TRPM7: variants seen among roughly 807,000 people sequenced by gnomAD.
TRPM7 encodes LTRPC ion channel family member 7.
In TRPM7, 134 loss-of-function variants were observed where a neutral mutation model predicts 229.7. The observed-to-expected ratio is 0.58, with a 90% confidence interval of 0.51 to 0.67. TRPM7 has a LOEUF of 0.67. Among genes scored for constraint, TRPM7 ranks in the 30% least tolerant of loss-of-function variants. TRPM7 has a pLI of 0.00. For missense variants in TRPM7, 1,901 were observed against 2,210.0 expected, an observed-to-expected ratio of 0.86 and a Z score of 2.80; for synonymous variants, 699 against 715.2, an observed-to-expected ratio of 0.98 and a Z score of 0.36.
At chr15:50,647,659 T>C (rs550419224) in intron 4 of TRPM7, among the ~76,000 whole-genome samples, 10 of 152,054 alleles carry the variant, frequency 6.6e-5, no homozygotes, top group African/African-American at 2.4e-4. Context: ...GCAGGAGAAC[T>C]GCTTGAACCC....
intron 19 of TRPM7, among the ~76,000 whole-genome samples, chr15:50,607,886 A>G (rs536302600): frequency 0.015 from 615 of 41,882 alleles, 8 homozygotes; most frequent in African/African-American, 0.043. Context: ...ATCTCTACTG[A>G]AAAAAAAAAA....
chr15:50,606,922 G>C (rs185365780), intron 20 of TRPM7, among the ~76,000 whole-genome samples: 2,120 of 152,216 alleles, frequency 0.014, 47 homozygotes, highest in African/African-American at 0.049. Context: ...TGAATGTTCA[G>C]GAAATAAAAC....
chr15:50,679,368 C>A (rs1357629333), intron 1 of TRPM7, among the ~76,000 whole-genome samples: 2 of 149,370 alleles, frequency 1.3e-5, no homozygotes, highest in East Asian at 3.9e-4. Flanking sequence ...GACGCTTGGA[C>A]GTTCACACTG....
intron 31 of TRPM7, among the ~76,000 whole-genome samples, chr15:50,577,051 G>A (rs2054167714): frequency 6.6e-6 from 1 of 151,924 alleles, no homozygotes; most frequent in Non-Finnish European, 1.5e-5. Flanking sequence ...GGTTGAGGCT[G>A]CAGTGAGCAA....
intron 1 of TRPM7, among the ~76,000 whole-genome samples, chr15:50,668,606 CAAGT>C (rs2061931967): frequency 6.6e-6 from 1 of 152,152 alleles, no homozygotes; most frequent in Non-Finnish European, 1.5e-5. Flanking sequence ...CTCCGGGGTC[CAAGT>C]AATTCTCCTG....
At chr15:50,581,563 C>A (rs57002197) in intron 29 of TRPM7, among the ~76,000 whole-genome samples, 2 of 150,958 alleles carry the variant, frequency 1.3e-5, no homozygotes, top group Non-Finnish European at 2.9e-5. Flanking sequence ...AAAATACAAA[C>A]AGAAAAATTA....
chr15:50,564,543 GTA>G (rs2053501730), intron 38 of TRPM7, among the ~76,000 whole-genome samples: 1 of 151,604 alleles, frequency 6.6e-6, no homozygotes, highest in African/African-American at 2.4e-5. Context: ...ATATATATAT[GTA>G]TGTTTTTATT....
At chr15:50,584,594 A>G (rs1344191788) in intron 28 of TRPM7, among the ~76,000 whole-genome samples, 1 of 150,700 alleles carries the variant, frequency 6.6e-6, no homozygotes, top group African/African-American at 2.4e-5. Flanking sequence ...AATGCTTGGG[A>G]TCAGAAGTGT....
At chr15:50,617,849 G>C (rs990332360) in intron 13 of TRPM7, among the ~76,000 whole-genome samples, 1 of 151,728 alleles carries the variant, frequency 6.6e-6, no homozygotes, top group South Asian at 2.1e-4. Flanking sequence ...GTAGAGAAAA[G>C]GTCTCGCTTT....
At chr15:50,594,321 A>G in intron 24 of TRPM7, 108 bp downstream of exon 24, 1 of 1,039,718 alleles carries the variant, frequency 9.6e-7, no homozygotes, top group Non-Finnish European at 1.4e-6. Context: ...AAAATCTACC[A>G]TAACATTAAT....
intron 31 of TRPM7, among the ~76,000 whole-genome samples, chr15:50,577,057 A>C (rs1156471118): frequency 6.6e-6 from 1 of 151,518 alleles, no homozygotes; most frequent in Non-Finnish European, 1.5e-5. Context: ...GGCTGCAGTG[A>C]GCAAAGTCTG....
At position 50,585,050 on chromosome 15, in the gene TRPM7, A is replaced by ATTTTT. The variant is rs755433337; in HGVS notation, c.4486+1337_4486+1341dup. Among the ~76,000 whole-genome samples the ATTTTT allele has an allele frequency of 2.7e-4, 26 of 95,048 alleles. 1 individual carries two copies. Among genetic ancestry groups the ATTTTT allele is most frequent in the South Asian group, 7.1e-4 (2 of 2,818 alleles). The allele number at this position is 95,048 out of a possible 152,430, so 62.4% of individuals were successfully genotyped here. A position where few individuals can be genotyped will look rare whatever the true frequency, so the allele number is the denominator to read the frequency against. On this transcript the variant is annotated intron_variant, in intron 28 of 38. Transcript: ENST00000646667. ...GCCACCACATCTAGCTAATTTTTGT[A>ATTTTT]TTTTTTTTTTTTTTTTTTTTTTGAG... is the stretch of plus-strand genomic sequence containing the variant.
At chr15:50,671,113 T>C (rs2061979587) in intron 1 of TRPM7, among the ~76,000 whole-genome samples, 1 of 152,196 alleles carries the variant, frequency 6.6e-6, no homozygotes, top group African/African-American at 2.4e-5. Context: ...TACATTGTTA[T>C]TTAGCGTAGT....
At chr15:50,599,089 C>G in intron 22 of TRPM7, 33 bp downstream of exon 22, 1 of 1,489,314 alleles carries the variant, frequency 6.7e-7, no homozygotes. Context: ...ACAAAATAAC[C>G]AAAAGATAAA....
At chr15:50,608,731 A>T (rs1403267782) in intron 19 of TRPM7, among the ~76,000 whole-genome samples, 1 of 152,234 alleles carries the variant, frequency 6.6e-6, no homozygotes, top group Non-Finnish European at 1.5e-5. Flanking sequence ...ATTCTTGTTG[A>T]TGAAAATGAA....
chr15:50,672,019 T>C (rs1322515226), intron 1 of TRPM7, among the ~76,000 whole-genome samples: 1 of 152,238 alleles, frequency 6.6e-6, no homozygotes, highest in Non-Finnish European at 1.5e-5. Context: ...ACGCTTTTTA[T>C]GGTTAGAGTG....
At chr15:50,564,248 AAAAATAAAATAAAAT>A (rs58216853) in intron 38 of TRPM7, among the ~76,000 whole-genome samples, 3,551 of 124,736 alleles carry the variant, frequency 0.028, 227 homozygotes, top group African/African-American at 0.1. Flanking sequence ...GACTGTCTCA[AAAAATAAAATAAAAT>A]AAAATAAAAT....
intron 2 of TRPM7, among the ~76,000 whole-genome samples, chr15:50,659,275 G>C (rs1370032450): frequency 6.6e-6 from 1 of 152,060 alleles, no homozygotes; most frequent in East Asian, 1.9e-4. Flanking sequence ...TATTTTAAAG[G>C]GGGAAGGGGG....
rs1392341597 is a variant in TRPM7, at chr15:50,586,375, A to G, written c.4486+17T>C. ...GAGTATGTTTTCTGACACTATTCATATGGTCAAAATACTCACCTTGTTTTG... is the reference window on the plus strand; with the variant it reads ...GAGTATGTTTTCTGACACTATTCATGTGGTCAAAATACTCACCTTGTTTTG... On this transcript the variant is annotated intron_variant, in intron 28 of 38. Coordinates refer to ENST00000646667, the MANE Select transcript of TRPM7 (RefSeq NM_017672.6). The G allele has an allele frequency of 6.7e-7, 1 of 1,501,400 alleles. No homozygotes were observed. Among genetic ancestry groups the G allele is most frequent in the South Asian group, 1.1e-5 (1 of 88,134 alleles). 93.0% of individuals were successfully genotyped at this position (1,501,400 alleles called of 1,614,324 possible).
Sources: gnomAD v4.1 joint callset for allele counts (sites outside exome capture counted in the v4.1 genomes callset) on GRCh38, gnomAD v4.1.1 for gene constraint, MANE v1.5 for transcripts, NCBI Gene and HGNC (gene_info 2026-07-23, HGNC 2026-07-21) for gene names.